Variants in COX15 observed in about 807,000 individuals in gnomAD.
COX15 encodes cytochrome c oxidase assembly factor COX15.
Under a neutral mutation model 51.9 loss-of-function variants are expected in COX15, and 51 were observed. The ratio of observed to expected loss-of-function variants is 0.98; its 90% CI spans 0.78 to 1.24. The LOEUF (loss-of-function observed/expected upper bound fraction) is 1.24, where lower values mean the gene tolerates loss of function less well. COX15 is among the 50% of genes most tolerant of loss of function. The pLI is 0.00. For missense variants in COX15, 420 were observed against 501.1 expected (o/e 0.84, Z 1.55); for synonymous variants, 188 against 190.5 (o/e 0.99, Z 0.11).
the COX15 span, among the ~76,000 whole-genome samples, chr10:99,694,654 A>G: frequency 6.6e-6 from 1 of 150,766 alleles, no homozygotes; most frequent in East Asian, 1.9e-4. Flanking sequence ...CTCCTGCCTC[A>G]GCCTCCTGAG....
At chr10:99,708,789 T>C, downstream of COX15, 3 of 983,210 alleles carry the variant, frequency 3.1e-6, no homozygotes, top group Non-Finnish European at 3.6e-6. Flanking sequence ...AGAGCAGTTG[T>C]AATATGTGCA....
chr10:99,718,572 A>C, intron 6 of COX15, 72 bp from the exon 7 acceptor site: 1 of 1,521,738 alleles, frequency 6.6e-7, no homozygotes, highest in Admixed American at 1.7e-5. Flanking sequence ...CTGATATAGA[A>C]AAAGTCTGTT....
At chr10:99,727,635 G>C in intron 2 of COX15, 72 bp from the exon 3 acceptor site, 2 of 1,533,864 alleles carry the variant, frequency 1.3e-6, no homozygotes, top group South Asian at 2.2e-5. Flanking sequence ...ATAGCAACAA[G>C]TGGATCTGAA....
At chr10:99,707,133 A>G (rs181359120), downstream of COX15, among the ~76,000 whole-genome samples, 1 of 152,174 alleles carries the variant, frequency 6.6e-6, no homozygotes, top group Admixed American at 6.5e-5. Flanking sequence ...TCACTTTTTC[A>G]ATATATATGT....
chr10:99,724,184 T>C, intron 4 of COX15, 61 bp from the exon 5 acceptor site: 2 of 1,601,716 alleles, frequency 1.2e-6, no homozygotes, highest in Admixed American at 1.7e-5. Flanking sequence ...TCAACTTTCT[T>C]TTTTTTGTTG....
At chr10:99,722,972 T>C (rs548895371) in intron 5 of COX15, 1 of 152,308 alleles carries the variant, frequency 6.6e-6, no homozygotes, top group South Asian at 2.1e-4. Flanking sequence ...CCAATTTGGC[T>C]TCTCTGTGGG....
In COX15 at chr10:99,714,473, C is replaced by T; in HGVS notation, c.*114G>A. On this transcript the variant is annotated 3_prime_UTR_variant, in exon 9 of 9. Transcript: ENST00000016171. ...GGAAAAGATTTTTAAGTAAGTTGAC[C>T]ATTTGGAAACCACTTGGTATGTCAA... The T allele has an allele frequency of 6.3e-7, 1 of 1,574,840 alleles. No individual in the cohort carries two copies. The highest frequency in any genetic ancestry group is 1.3e-5 in the African/African-American group (1 of 74,436).
intron 8 of COX15, among the ~76,000 whole-genome samples, chr10:99,715,424 C>T (rs2036536876): frequency 6.6e-6 from 1 of 152,212 alleles, no homozygotes; most frequent in Non-Finnish European, 1.5e-5. Context: ...CAGGCGTGAG[C>T]CACTGTGCCC....
At position 99,711,540 on chromosome 10, in the gene COX15, C is replaced by G; in HGVS notation, c.*3047G>C. On this transcript the variant is annotated 3_prime_UTR_variant, in exon 9 of 9. Transcript: ENST00000016171. The stretch of plus-strand genomic sequence containing the variant: ...ATGGGAATAAGCTAGTCAGAACTTT[C>G]TAAGGTAACTAGGCTATTAGGACCT... 1 of 985,426 alleles carries G rather than the reference C, an allele frequency of 1.0e-6. No individual in the cohort carries two copies. The highest frequency in any genetic ancestry group is 1.2e-6 in the Non-Finnish European group (1 of 829,926). The allele number at this position is 985,426 out of a possible 1,614,324, so 61.0% of individuals were successfully genotyped here.
At chr10:99,703,831 C>T in the COX15 span, among the ~76,000 whole-genome samples, 1 of 152,188 alleles carries the variant, frequency 6.6e-6, no homozygotes, top group Non-Finnish European at 1.5e-5. Context: ...AAGTGATTCT[C>T]CTGCCTCAGC....
At chr10:99,730,115 T>G (rs186117012) in intron 1 of COX15, among the ~76,000 whole-genome samples, 95 of 152,356 alleles carry the variant, frequency 6.2e-4, no homozygotes, top group African/African-American at 1.9e-3. Context: ...TCACCTCCTC[T>G]GGGATGTATT....
At chr10:99,728,550 T>C (rs2037035436) in intron 2 of COX15, among the ~76,000 whole-genome samples, 1 of 152,222 alleles carries the variant, frequency 6.6e-6, no homozygotes, top group African/African-American at 2.4e-5. Context: ...TAATAAAATA[T>C]TATAATTTTG....
rs1406133791 is a variant in COX15 at position 99,714,396 on chromosome 10, T to C, written c.*191A>G. ...TGAAAAGCAGATTTAAAAGGGAACATTTAGGGTAACCACACTTAATGCATT... is the reference window on the plus strand; with the variant it reads ...TGAAAAGCAGATTTAAAAGGGAACACTTAGGGTAACCACACTTAATGCATT... On this transcript the variant is annotated 3_prime_UTR_variant, in exon 9 of 9. Transcript: ENST00000016171. 4 of 1,427,294 alleles carry C rather than the reference T, an allele frequency of 2.8e-6. No individual in the cohort carries two copies. The highest frequency in any genetic ancestry group is 1.4e-5 in the African/African-American group (1 of 69,540). The allele number at this position is 1,427,294 out of a possible 1,614,324, so 88.4% of individuals were successfully genotyped here. A position where few individuals can be genotyped will look rare whatever the true frequency, so the allele number is the denominator to read the frequency against.
chr10:99,709,372 A>G, downstream of COX15: 8 of 985,384 alleles, frequency 8.1e-6, no homozygotes, highest in Non-Finnish European at 9.6e-6. Context: ...GAAATAGCAG[A>G]TGTTTCAAAT....
At position 99,726,958 on chromosome 10, in the gene COX15, T is replaced by C; in HGVS notation, c.582+10A>G. ...GCATTTCTGGTTTCTCAACCTTGAA[T>C]AAATCTTACCTGGAAGCAGACGAGG... is the stretch of plus-strand genomic sequence containing the variant. On this transcript the variant is annotated intron_variant, in intron 4 of 8. Transcript: ENST00000016171. The C allele has an allele frequency of 6.2e-7, 1 of 1,603,592 alleles. No individual in the cohort carries two copies. The highest frequency in any genetic ancestry group is 8.5e-7 in the Non-Finnish European group (1 of 1,175,516).
chr10:99,709,324 A>G, downstream of COX15: 1 of 985,362 alleles, frequency 1.0e-6, no homozygotes, highest in Non-Finnish European at 1.2e-6. Flanking sequence ...TTGCTGTGGT[A>G]TGTGGTGTAA....
the COX15 span, chr10:99,697,581 CT>C: frequency 6.5e-6 from 1 of 155,020 alleles, no homozygotes; most frequent in Non-Finnish European, 1.4e-5. Flanking sequence ...GTCTATTAAC[CT>C]ATTTCCTGAG....
downstream of COX15, chr10:99,706,301 G>C (rs1345356859): frequency 1.3e-5 from 2 of 151,004 alleles, no homozygotes; most frequent in African/African-American, 4.9e-5. Flanking sequence ...TTTAAAATTA[G>C]ATAAACATGG....
intron 4 of COX15, among the ~76,000 whole-genome samples, chr10:99,725,097 T>C (rs1378040578): frequency 6.6e-6 from 1 of 152,254 alleles, no homozygotes; most frequent in Non-Finnish European, 1.5e-5. Context: ...ATTCTATGAT[T>C]CTCTGCTTTA....
Sources: gnomAD v4.1 joint callset for allele counts (sites outside exome capture counted in the v4.1 genomes callset) on GRCh38, gnomAD v4.1.1 for gene constraint, MANE v1.5 for transcripts, NCBI Gene and HGNC (gene_info 2026-07-23, HGNC 2026-07-21) for gene names.